IMMP2L: variants seen among roughly 807,000 people sequenced by gnomAD.
IMMP2L encodes the protein mitochondrial inner membrane protease subunit 2.
A neutral mutation model predicts 19.3 loss-of-function variants in IMMP2L; 18 were observed. The ratio of observed to expected loss-of-function variants is 0.93; its 90% CI spans 0.64 to 1.38. IMMP2L has a LOEUF of 1.38. Ranked by LOEUF, IMMP2L falls within the 40% of genes most tolerant of loss-of-function variation. The pLI is 0.00. For synonymous variants in IMMP2L, 76 were observed against 73.0 expected (o/e 1.04, Z -0.21); for missense variants, 233 against 218.2 (o/e 1.07, Z -0.43).
chr7:111,558,944 A>T (rs1228977012), intron 1 of IMMP2L, among the ~76,000 whole-genome samples: 2 of 152,156 alleles, frequency 1.3e-5, no homozygotes, highest in South Asian at 4.2e-4. Context: ...TTCCACAAAA[A>T]ATACAAAAGC....
chr7:111,372,611 G>A (rs1830352851), intron 3 of IMMP2L, among the ~76,000 whole-genome samples: 1 of 151,816 alleles, frequency 6.6e-6, no homozygotes, highest in African/African-American at 2.4e-5. Flanking sequence ...CTTCTGATGA[G>A]TTCTGTTCTT....
chr7:110,690,817 T>C (rs1264366687), intron 5 of IMMP2L, among the ~76,000 whole-genome samples: 1 of 150,946 alleles, frequency 6.6e-6, no homozygotes, highest in African/African-American at 2.4e-5. Flanking sequence ...AAAAAAAAAA[T>C]AGATAACACA....
intron 3 of IMMP2L, among the ~76,000 whole-genome samples, chr7:111,344,004 G>C (rs1827287272): frequency 6.6e-6 from 1 of 151,990 alleles, no homozygotes; most frequent in African/African-American, 2.4e-5. Context: ...GGGATATTTT[G>C]AATCTGACCA....
At chr7:111,115,519 C>G (rs576428225) in intron 3 of IMMP2L, among the ~76,000 whole-genome samples, 3 of 152,094 alleles carry the variant, frequency 2.0e-5, no homozygotes, top group African/African-American at 4.8e-5. Flanking sequence ...TTCATCCCCC[C>G]CTCTGTAAAA....
At chr7:111,149,910 C>CA (rs955393851) in intron 3 of IMMP2L, among the ~76,000 whole-genome samples, 41 of 152,090 alleles carry the variant, frequency 2.7e-4, no homozygotes, top group African/African-American at 9.9e-4. Flanking sequence ...TTAAAACATC[C>CA]AAAAAACAAC....
intron 4 of IMMP2L, among the ~76,000 whole-genome samples, chr7:110,893,616 G>A (rs1373545816): frequency 6.6e-6 from 1 of 152,058 alleles, no homozygotes; most frequent in Non-Finnish European, 1.5e-5. Context: ...TACATGTGCA[G>A]GTTTTTTACA....
Position 111,144,634 on chromosome 7 carries a change from C to T in IMMP2L, c.240-181069G>A, listed in dbSNP as rs367887091. On this transcript the variant is annotated intron_variant, in intron 3 of 5. Coordinates refer to ENST00000405709, the MANE Select transcript of IMMP2L (RefSeq NM_032549.4). ...GCTGAGTTAAAACATATTAAATCCA[C>T]GGGGGACAGAAATTCTAGGAGACTG... Among the ~76,000 whole-genome samples, 42 of 152,016 alleles carry T rather than the reference C, an allele frequency of 2.8e-4. No homozygotes were observed. In the South Asian group the frequency reaches 5.8e-3, roughly 21 times the overall value.
intron 3 of IMMP2L, among the ~76,000 whole-genome samples, chr7:111,037,156 C>A (rs1334055593): frequency 5.9e-5 from 9 of 152,098 alleles, no homozygotes; most frequent in Admixed American, 5.9e-4. Context: ...TTTTCTTCAA[C>A]AAGGTGGCAG....
intron 5 of IMMP2L, among the ~76,000 whole-genome samples, chr7:110,687,776 G>T (rs1346603079): frequency 6.6e-6 from 1 of 151,622 alleles, no homozygotes; most frequent in Non-Finnish European, 1.5e-5. Flanking sequence ...TTTCAAAGAG[G>T]GCCACAAAAA....
intron 5 of IMMP2L, among the ~76,000 whole-genome samples, chr7:110,814,300 T>C (rs17400294): frequency 0.039 from 5,977 of 152,012 alleles, 157 homozygotes; most frequent in Middle Eastern, 0.082. Context: ...TGGGGCCTAC[T>C]TGAGGTTATC....
rs2130737266 is a variant in IMMP2L, at chr7:110,716,143, T to C, written c.409-52422A>G. On this transcript the variant is annotated intron_variant, in intron 5 of 5. Transcript: ENST00000405709. Reference sequence around the variant, plus strand: ...TTTTCCCAACCCCCAAAATAAAGGGTTGGGAAAAGATCTGTCTGTCGTGCA... The same window carrying C: ...TTTTCCCAACCCCCAAAATAAAGGGCTGGGAAAAGATCTGTCTGTCGTGCA... Among the ~76,000 whole-genome samples the C allele has an allele frequency of 1.3e-5, 2 of 151,646 alleles. 1 individual carries two copies. The highest frequency in any genetic ancestry group is 4.2e-4 in the South Asian group (2 of 4,778).
At chr7:110,966,811 G>T (rs1018715219) in intron 3 of IMMP2L, among the ~76,000 whole-genome samples, 1 of 152,044 alleles carries the variant, frequency 6.6e-6, no homozygotes, top group South Asian at 2.1e-4. Flanking sequence ...CAGCAGAAGT[G>T]CTCAGAGAGT....
intron 5 of IMMP2L, among the ~76,000 whole-genome samples, chr7:110,697,811 A>G (rs1304920308): frequency 6.6e-6 from 1 of 152,198 alleles, no homozygotes; most frequent in Non-Finnish European, 1.5e-5. Context: ...TAAAAATAAA[A>G]AAATAATTCT....
chr7:111,129,044 T>C (rs1310806145), intron 3 of IMMP2L, among the ~76,000 whole-genome samples: 1 of 152,108 alleles, frequency 6.6e-6, no homozygotes, highest in Non-Finnish European at 1.5e-5. Flanking sequence ...CTACAAAGCA[T>C]AGTCTTAAAA....
chr7:111,126,897 T>C (rs1217328877), intron 3 of IMMP2L, among the ~76,000 whole-genome samples: 1 of 152,170 alleles, frequency 6.6e-6, no homozygotes, highest in Non-Finnish European at 1.5e-5. Context: ...CTGCATAATA[T>C]CAACATCTCA....
rs150557657 is a variant in IMMP2L, at chr7:111,161,500, T to C, written c.240-197935A>G. ...AAAATTATAATTATCTCAATAGATATAGAAAAAAGTATCTGATAAAACTGA... is the reference window on the plus strand; with the variant it reads ...AAAATTATAATTATCTCAATAGATACAGAAAAAAGTATCTGATAAAACTGA... On this transcript the variant is annotated intron_variant, in intron 3 of 5. Transcript: ENST00000405709. Among the ~76,000 whole-genome samples the C allele has an allele frequency of 3.5e-3, 528 of 152,014 alleles. 2 individuals are homozygous for C. Among genetic ancestry groups the C allele is most frequent in the African/African-American group, 0.012 (503 of 41,522 alleles).
chr7:111,444,483 T>C (rs1048673644), intron 3 of IMMP2L, among the ~76,000 whole-genome samples: 12 of 152,278 alleles, frequency 7.9e-5, no homozygotes, highest in African/African-American at 2.6e-4. Flanking sequence ...GGGGTACAAA[T>C]AGGACTAAAT....
chr7:110,662,673 A>T lies in IMMP2L; in HGVS notation c.*929T>A, dbSNP rs891878566. On this transcript the variant is annotated 3_prime_UTR_variant, in exon 6 of 6. Transcript: ENST00000405709. ...ATGCAGGGAATTTATTCCATTATCC[A>T]TACAAATTACAGACTCTATGATTCT... Among the ~76,000 whole-genome samples, 3 of 152,234 alleles carry T rather than the reference A, an allele frequency of 2.0e-5. No homozygotes were observed. Among genetic ancestry groups the T allele is most frequent in the African/African-American group, 7.2e-5 (3 of 41,452 alleles).
rs1305581298 is a variant in IMMP2L at position 110,821,469 on chromosome 7, TA to T, written c.408+65123del. Reference sequence around the variant, plus strand: ...AGATATGTTAAAGGGATTTCACAGATATAAAAAAAATGTGATCCTTAAAACA... The same window carrying T: ...AGATATGTTAAAGGGATTTCACAGATTAAAAAAAATGTGATCCTTAAAACA... On this transcript the variant is annotated intron_variant, in intron 5 of 5. Coordinates refer to ENST00000405709, the MANE Select transcript of IMMP2L (RefSeq NM_032549.4). 3.9e-5 allele frequency among the ~76,000 whole-genome samples: 6 copies of T among 152,056 alleles called. No homozygotes were observed. The East Asian group carries it at 1.2e-3, about 29-fold the overall frequency.
Sources: allele counts gnomAD v4.1 joint callset (sites outside exome capture counted in the v4.1 genomes callset), GRCh38; gene constraint gnomAD v4.1.1; transcripts MANE v1.5; gene names NCBI Gene and HGNC (gene_info 2026-07-23, HGNC 2026-07-21).